Variants in PTPRD observed in about 807,000 individuals in gnomAD.
The protein encoded by PTPRD is protein tyrosine phosphatase receptor type D.
PTPRD carries 34 observed loss-of-function variants against 214.5 expected under a neutral mutation model. The observed-to-expected ratio is 0.16, with a 90% CI of 0.12 to 0.21. The LOEUF is 0.21. Among genes scored for constraint, PTPRD ranks in the 10% least tolerant of loss-of-function variants. The pLI is 1.00. For synonymous variants in PTPRD, 1,128 were observed against 845.7 expected (o/e 1.33, Z -5.79); for missense variants, 2,545 against 2,398.7 (o/e 1.06, Z -1.27).
chr9:9,669,095 A>G (rs1431907407), intron 7 of PTPRD, among the ~76,000 whole-genome samples: 1 of 152,108 alleles, frequency 6.6e-6, no homozygotes, highest in African/African-American at 2.4e-5. Flanking sequence ...TACTTTTTTT[A>G]TTATTATCAT....
chr9:10,369,161 T>C (rs10738162), intron 2 of PTPRD, among the ~76,000 whole-genome samples: 18,128 of 152,126 alleles, frequency 0.12, 2,039 homozygotes, highest in East Asian at 0.56. Flanking sequence ...ATAAAACTTA[T>C]GCAAATTATT....
intron 7 of PTPRD, among the ~76,000 whole-genome samples, chr9:9,577,493 A>C (rs2089283141): frequency 6.6e-6 from 1 of 152,002 alleles, no homozygotes; most frequent in African/African-American, 2.4e-5. Context: ...GAACCCTGGA[A>C]ATTGAGGCTG....
At chr9:10,347,278 T>C (rs1256703170) in intron 2 of PTPRD, among the ~76,000 whole-genome samples, 1 of 152,210 alleles carries the variant, frequency 6.6e-6, no homozygotes, top group Non-Finnish European at 1.5e-5. Context: ...TCTCAAATTA[T>C]TTCTTTGTAA....
intron 2 of PTPRD, among the ~76,000 whole-genome samples, chr9:10,451,199 A>T (rs2098839350): frequency 6.6e-6 from 1 of 151,970 alleles, no homozygotes; most frequent in Admixed American, 6.5e-5. Flanking sequence ...AATAGATACC[A>T]ATTTGAGGCT....
intron 14 of PTPRD, among the ~76,000 whole-genome samples, chr9:8,627,479 C>G (rs994435125): frequency 1.3e-5 from 2 of 151,780 alleles, no homozygotes; most frequent in African/African-American, 2.4e-5. Context: ...AGTAAACACT[C>G]GCATGAGTTG....
At chr9:8,342,863 G>T (rs1308673388) in intron 39 of PTPRD, among the ~76,000 whole-genome samples, 2 of 152,076 alleles carry the variant, frequency 1.3e-5, no homozygotes, top group Non-Finnish European at 2.9e-5. Flanking sequence ...AAAGAAAAAG[G>T]ATGTATTAGT....
At chr9:10,477,774 T>C (rs942610217) in intron 2 of PTPRD, among the ~76,000 whole-genome samples, 2 of 151,980 alleles carry the variant, frequency 1.3e-5, no homozygotes, top group Admixed American at 6.6e-5. Flanking sequence ...ATGTGACACA[T>C]ATATACCATG....
chr9:9,702,140 G>A (rs2097518383), intron 7 of PTPRD, among the ~76,000 whole-genome samples: 1 of 151,876 alleles, frequency 6.6e-6, no homozygotes, highest in South Asian at 2.1e-4. Context: ...GAGAGAGAGA[G>A]AGAAAGAAAG....
chr9:9,298,530 C>A (rs1954007587), intron 9 of PTPRD, among the ~76,000 whole-genome samples: 1 of 151,664 alleles, frequency 6.6e-6, no homozygotes. Flanking sequence ...TATAAAATGT[C>A]TAATAACCAT....
intron 11 of PTPRD, among the ~76,000 whole-genome samples, chr9:8,839,934 C>T (rs10977317): frequency 0.035 from 5,316 of 152,150 alleles, 141 homozygotes; most frequent in South Asian, 0.095. Flanking sequence ...GCAAATTCAC[C>T]ATACAGTACA....
intron 7 of PTPRD, among the ~76,000 whole-genome samples, chr9:9,706,424 T>C (rs938152007): frequency 6.6e-6 from 1 of 152,010 alleles, no homozygotes; most frequent in African/African-American, 2.4e-5. Context: ...TCATTGCACA[T>C]CACCGTACTT....
At chr9:8,786,759 T>TG (rs1439621810) in intron 11 of PTPRD, among the ~76,000 whole-genome samples, 17 of 132,642 alleles carry the variant, frequency 1.3e-4, no homozygotes, top group African/African-American at 3.3e-4. Flanking sequence ...AAAAAAAAGG[T>TG]GGGGGGGCGG....
chr9:9,847,308 T>C (rs557834119), intron 5 of PTPRD, among the ~76,000 whole-genome samples: 8 of 152,274 alleles, frequency 5.3e-5, no homozygotes, highest in Admixed American at 1.3e-4. Context: ...ATTACTGATG[T>C]GTTCTATGGT....
intron 9 of PTPRD, among the ~76,000 whole-genome samples, chr9:9,294,491 G>C (rs1321218955): frequency 6.6e-6 from 1 of 151,636 alleles, no homozygotes; most frequent in Admixed American, 6.6e-5. Flanking sequence ...TTGGACGTAA[G>C]GCTGCTAAGA....
intron 36 of PTPRD, among the ~76,000 whole-genome samples, chr9:8,396,453 A>G (rs1313895687): frequency 6.6e-6 from 1 of 152,136 alleles, no homozygotes; most frequent in Non-Finnish European, 1.5e-5. Flanking sequence ...ATGTAGGTTT[A>G]TCTACGGCCT....
intron 7 of PTPRD, among the ~76,000 whole-genome samples, chr9:9,629,959 AAGGTTAAGAC>A (rs2095539276): frequency 6.6e-6 from 1 of 151,156 alleles, no homozygotes. Context: ...CAGGAAGGAA[AAGGTTAAGAC>A]AGCAGCCTCC....
intron 3 of PTPRD, among the ~76,000 whole-genome samples, chr9:10,275,316 G>T (rs2094617752): frequency 6.6e-6 from 1 of 152,084 alleles, no homozygotes; most frequent in African/African-American, 2.4e-5. Flanking sequence ...GGGGTAGAGA[G>T]GTCCAGCATC....
chr9:10,223,275 T>C (rs1453675399), intron 3 of PTPRD, among the ~76,000 whole-genome samples: 1 of 151,938 alleles, frequency 6.6e-6, no homozygotes, highest in East Asian at 1.9e-4. Flanking sequence ...TTACCCTATT[T>C]TCCATTGCCT....
intron 9 of PTPRD, among the ~76,000 whole-genome samples, chr9:9,332,383 A>G (rs972699745): frequency 3.3e-5 from 5 of 152,022 alleles, no homozygotes; most frequent in African/African-American, 1.2e-4. Flanking sequence ...TACATACCTC[A>G]TAGTATATTC....
Sources: allele counts gnomAD v4.1 joint callset (sites outside exome capture counted in the v4.1 genomes callset), GRCh38; gene constraint gnomAD v4.1.1; transcripts MANE v1.5; gene names NCBI Gene and HGNC (gene_info 2026-07-23, HGNC 2026-07-21).